Variants in ARHGAP18 observed in about 807,000 individuals in gnomAD.
ARHGAP18 encodes the protein Rho GTPase activating protein 18.
A neutral mutation model predicts 86.2 loss-of-function variants in ARHGAP18; 67 were observed. The ratio of observed to expected loss-of-function variants is 0.78; its 90% CI spans 0.64 to 0.95. The LOEUF is 0.95. Among genes scored for constraint, ARHGAP18 ranks in the 40% least tolerant of loss-of-function variants. ARHGAP18 has a pLI of 0.00. For synonymous variants in ARHGAP18, 283 were observed against 280.4 expected (o/e 1.01, Z -0.09); for missense variants, 691 against 780.4 (o/e 0.89, Z 1.37).
At chr6:129,663,128 G>T in intron 1 of ARHGAP18, among the ~76,000 whole-genome samples, 1 of 152,158 alleles carries the variant, frequency 6.6e-6, no homozygotes, top group East Asian at 1.9e-4. Context: ...CAAAACCCAT[G>T]CTCAAGACTC....
intron 1 of ARHGAP18, among the ~76,000 whole-genome samples, chr6:129,672,807 G>C (rs1257240313): frequency 6.6e-6 from 1 of 152,132 alleles, no homozygotes; most frequent in Non-Finnish European, 1.5e-5. Context: ...TTCAAAATCT[G>C]GTTCTTGTTA....
intron 1 of ARHGAP18, among the ~76,000 whole-genome samples, chr6:129,656,997 G>A (rs1344884507): frequency 6.6e-6 from 1 of 152,086 alleles, no homozygotes; most frequent in Non-Finnish European, 1.5e-5. Context: ...CATTCTTATT[G>A]ACATCCAAAT....
intron 5 of ARHGAP18, among the ~76,000 whole-genome samples, chr6:129,624,230 C>T (rs2114476828): frequency 6.6e-6 from 1 of 152,266 alleles, no homozygotes; most frequent in South Asian, 2.1e-4. Context: ...AAGACTGTCA[C>T]TTTGAAAACA....
chr6:129,629,320 T>C, intron 5 of ARHGAP18, 33 bp downstream of exon 5: 2 of 1,591,420 alleles, frequency 1.3e-6, no homozygotes, highest in South Asian at 2.2e-5. Flanking sequence ...TATATGTACA[T>C]ATATGTATAT....
chr6:129,605,799 T>C (rs145138074), intron 10 of ARHGAP18, 78 bp downstream of exon 10: 351 of 1,310,062 alleles, frequency 2.7e-4, no homozygotes, highest in Non-Finnish European at 3.7e-4. Context: ...GATACACATC[T>C]TATTGTTTTG....
chr6:129,649,375 G>A (rs1388402921), intron 1 of ARHGAP18, among the ~76,000 whole-genome samples: 3 of 152,002 alleles, frequency 2.0e-5, no homozygotes, highest in Non-Finnish European at 4.4e-5. Context: ...CCAACAGGGC[G>A]AAACCTCGTC....
At chr6:129,697,778 T>A (rs1311815315) in intron 1 of ARHGAP18, among the ~76,000 whole-genome samples, 1 of 152,120 alleles carries the variant, frequency 6.6e-6, no homozygotes, top group Non-Finnish European at 1.5e-5. Context: ...AAATAAAAAA[T>A]TAACAACCAA....
intron 8 of ARHGAP18, 102 bp from the exon 9 acceptor site, chr6:129,608,154 G>T: frequency 7.4e-7 from 1 of 1,345,974 alleles, no homozygotes; most frequent in Non-Finnish European, 9.7e-7. Flanking sequence ...AAGAGACTCT[G>T]CTCTTTAGAC....
intron 1 of ARHGAP18, among the ~76,000 whole-genome samples, chr6:129,681,658 T>C (rs2114537481): frequency 6.6e-6 from 1 of 152,334 alleles, no homozygotes; most frequent in Admixed American, 6.5e-5. Context: ...GAATAAATAA[T>C]TCATTTCATG....
At chr6:129,693,631 T>A (rs1184064319) in intron 1 of ARHGAP18, among the ~76,000 whole-genome samples, 1 of 152,064 alleles carries the variant, frequency 6.6e-6, no homozygotes, top group Non-Finnish European at 1.5e-5. Context: ...CCACTGCCAC[T>A]CAGACACAGG....
chr6:129,692,459 G>A (rs1440417012), intron 1 of ARHGAP18, among the ~76,000 whole-genome samples: 1 of 152,164 alleles, frequency 6.6e-6, no homozygotes, highest in East Asian at 1.9e-4. Flanking sequence ...TGGGTACGGA[G>A]AAATGATATC....
At position 129,629,536 on chromosome 6, in the gene ARHGAP18, G is replaced by A; in HGVS notation, c.617-14C>T. On this transcript the variant is annotated splice_polypyrimidine_tract_variant and intron_variant, in intron 4 of 14. Coordinates refer to ENST00000368149, the MANE Select transcript of ARHGAP18 (RefSeq NM_033515.3). ...TAGATGCCTCGTCTAGGGGCCCGGG[G>A]GGAAAGAACCCAATTCATATGCTTT... 6.3e-7 allele frequency: 1 copy of A among 1,596,516 alleles called. No individual in the cohort carries two copies. The highest frequency in any genetic ancestry group is 1.1e-5 in the South Asian group (1 of 87,412).
intron 1 of ARHGAP18, among the ~76,000 whole-genome samples, chr6:129,675,217 C>A (rs935510830): frequency 6.6e-6 from 1 of 152,080 alleles, no homozygotes; most frequent in African/African-American, 2.4e-5. Context: ...AATCCACCTT[C>A]AGTTCACTCA....
chr6:129,677,380 G>A (rs563391476), intron 1 of ARHGAP18, among the ~76,000 whole-genome samples: 57 of 149,784 alleles, frequency 3.8e-4, no homozygotes, highest in Non-Finnish European at 6.5e-4. Flanking sequence ...GCGAAAGAGC[G>A]AGACTCCGTC....
Position 129,634,125 on chromosome 6 carries a change from C to G in ARHGAP18, c.553-20G>C, listed in dbSNP as rs757035404. On this transcript the variant is annotated intron_variant, in intron 3 of 14. Transcript: ENST00000368149. ...TGGAGCCTAAACATAGAAAACAGGC[C>G]ATTTAGTCATCTCCAACTCAAAACC... 6.2e-6 allele frequency: 10 copies of G among 1,609,442 alleles called. No individual in the cohort carries two copies. The highest frequency in any genetic ancestry group is 8.5e-6 in the Non-Finnish European group (10 of 1,177,576).
chr6:129,661,018 C>T (rs1295490764), intron 1 of ARHGAP18, among the ~76,000 whole-genome samples: 3 of 129,752 alleles, frequency 2.3e-5, no homozygotes, highest in African/African-American at 9.0e-5. Context: ...GACACAAAAC[C>T]TTTAAAAAAA....
chr6:129,617,083 A>G (rs28710396), intron 6 of ARHGAP18, among the ~76,000 whole-genome samples: 1,708 of 152,260 alleles, frequency 0.011, 19 homozygotes, highest in East Asian at 0.042. Context: ...TGTTCTACAA[A>G]TGTTTCTCTT....
At chr6:129,664,206 C>T (rs1774001105) in intron 1 of ARHGAP18, among the ~76,000 whole-genome samples, 1 of 152,212 alleles carries the variant, frequency 6.6e-6, no homozygotes, top group Non-Finnish European at 1.5e-5. Flanking sequence ...CTGAATTCTG[C>T]ACCAAATAGG....
intron 13 of ARHGAP18, among the ~76,000 whole-genome samples, chr6:129,583,667 A>G (rs957780986): frequency 4.6e-5 from 7 of 152,142 alleles, no homozygotes; most frequent in Non-Finnish European, 7.4e-5. Flanking sequence ...ATTAACCTCC[A>G]ATCAACATAT....
Sources: allele counts gnomAD v4.1 joint callset (sites outside exome capture counted in the v4.1 genomes callset), GRCh38; gene constraint gnomAD v4.1.1; transcripts MANE v1.5; gene names NCBI Gene and HGNC (gene_info 2026-07-23, HGNC 2026-07-21).